OR56A3: variants seen among roughly 807,000 people sequenced by gnomAD.
The protein encoded by OR56A3 is olfactory receptor family 56 subfamily A member 3.
Under a neutral mutation model 17.5 loss-of-function variants are expected in OR56A3, and 23 were observed. The observed-to-expected ratio is 1.32, with a 90% CI of 0.95 to 1.87. OR56A3 has a LOEUF of 1.87. OR56A3 is among the 40% of genes most tolerant of loss of function. OR56A3 has a pLI of 0.00. For missense variants in OR56A3, 366 were observed against 380.1 expected (o/e 0.96, Z 0.31); for synonymous variants, 175 against 150.6 (o/e 1.16, Z -1.19).
chr11:5,982,685 C>A, the OR56A3 span, among the ~76,000 whole-genome samples: 1 of 152,180 alleles, frequency 6.6e-6, no homozygotes, highest in Non-Finnish European at 1.5e-5. Context: ...TGTTCCACTG[C>A]AGCCAGTCCC....
chr11:5,974,226 C>G, the OR56A3 span, among the ~76,000 whole-genome samples: 1 of 152,012 alleles, frequency 6.6e-6, no homozygotes, highest in South Asian at 2.1e-4. Context: ...CCTGCCTCAG[C>G]CTCCCGAGTA....
chr11:6,008,452 C>T, the OR56A3 span, among the ~76,000 whole-genome samples: 1 of 152,072 alleles, frequency 6.6e-6, no homozygotes, highest in African/African-American at 2.4e-5. Flanking sequence ...TTAAACTGTG[C>T]AAAATATTCT....
the OR56A3 span, among the ~76,000 whole-genome samples, chr11:6,016,227 T>A: frequency 6.6e-6 from 1 of 152,212 alleles, no homozygotes; most frequent in African/African-American, 2.4e-5. Flanking sequence ...TGGCTGCTTC[T>A]GTTTTGCCTT....
At chr11:6,014,859 T>A in the OR56A3 span, among the ~76,000 whole-genome samples, 1 of 151,740 alleles carries the variant, frequency 6.6e-6, no homozygotes, top group Non-Finnish European at 1.5e-5. Flanking sequence ...GCAAAGAGCT[T>A]TGTTGGATTG....
At chr11:6,012,625 T>G in the OR56A3 span, among the ~76,000 whole-genome samples, 1 of 152,184 alleles carries the variant, frequency 6.6e-6, no homozygotes, top group Non-Finnish European at 1.5e-5. Flanking sequence ...CCAGGGGCTT[T>G]TATGGGCCTT....
the OR56A3 span, among the ~76,000 whole-genome samples, chr11:6,014,060 AC>A: frequency 6.6e-6 from 1 of 152,248 alleles, no homozygotes; most frequent in East Asian, 1.9e-4. Flanking sequence ...ACTTGCTAAC[AC>A]CAGAGTCCAC....
rs780015932 is a variant in OR56A3 at position 5,947,905 on chromosome 11, T to G, written c.559T>G (p.Ser187Ala). The change falls in exon 3 of 3, where the codon TCT becomes GCT. Residue 187 changes from serine (S) to alanine (A), a missense_variant. Transcript: ENST00000641160. ...TGAGAACTGCATCTGTGCCAATATG[T>G]CTGTTTCCAGACTCTCCTGCGATGA... ...VIENCICANMSVSRLSCDDVT... is the reference protein window; with the variant it reads ...VIENCICANMAVSRLSCDDVT... 6.2e-7 allele frequency: 1 copy of G among 1,614,220 alleles called. No individual in the cohort carries two copies. Among genetic ancestry groups the G allele is most frequent in the East Asian group, 2.2e-5 (1 of 44,880 alleles).
At chr11:5,968,056 C>G in the OR56A3 span, 9 of 1,608,750 alleles carry the variant, frequency 5.6e-6, no homozygotes, top group African/African-American at 2.7e-5. Flanking sequence ...AAGATGGCAG[C>G]CCTAGCGACA....
chr11:5,962,155 T>C, the OR56A3 span, among the ~76,000 whole-genome samples: 1 of 152,262 alleles, frequency 6.6e-6, no homozygotes. Flanking sequence ...TCGATGATTT[T>C]TGTTTTTCAT....
chr11:5,985,600 G>T, the OR56A3 span, among the ~76,000 whole-genome samples: 3 of 152,166 alleles, frequency 2.0e-5, no homozygotes, highest in South Asian at 6.2e-4. Context: ...TACAATTCCA[G>T]ACAGTGTTGC....
At chr11:6,014,153 A>G in the OR56A3 span, among the ~76,000 whole-genome samples, 1 of 152,200 alleles carries the variant, frequency 6.6e-6, no homozygotes, top group South Asian at 2.1e-4. Context: ...CACATCTGAC[A>G]TCATTGTCCC....
chr11:5,973,469 G>T, the OR56A3 span, among the ~76,000 whole-genome samples: 1 of 152,150 alleles, frequency 6.6e-6, no homozygotes, highest in African/African-American at 2.4e-5. Flanking sequence ...ATTAATTCAA[G>T]ATCATACATA....
downstream of OR56A3, among the ~76,000 whole-genome samples, chr11:5,952,355 C>T (rs1847912537): frequency 1.3e-5 from 2 of 152,252 alleles, no homozygotes; most frequent in South Asian, 2.1e-4. Context: ...AAGCTGAAAA[C>T]ATACAGAAGA....
chr11:5,953,002 G>A (rs1446576703), downstream of OR56A3, among the ~76,000 whole-genome samples: 1 of 152,220 alleles, frequency 6.6e-6, no homozygotes, highest in Non-Finnish European at 1.5e-5. Flanking sequence ...TTCTATGGCT[G>A]CATAGTATTC....
chr11:5,984,177 G>A, the OR56A3 span, among the ~76,000 whole-genome samples: 1 of 152,152 alleles, frequency 6.6e-6, no homozygotes, highest in Non-Finnish European at 1.5e-5. Context: ...TGACTTACCA[G>A]AGAACCCTGC....
chr11:6,007,262 T>C, the OR56A3 span, among the ~76,000 whole-genome samples: 1 of 152,234 alleles, frequency 6.6e-6, no homozygotes, highest in Non-Finnish European at 1.5e-5. Flanking sequence ...AAAGTCAAAT[T>C]CACAGAAGCA....
the OR56A3 span, among the ~76,000 whole-genome samples, chr11:6,010,070 T>A: frequency 1.5e-4 from 20 of 129,130 alleles, no homozygotes; most frequent in East Asian, 7.8e-4. Flanking sequence ...GGTGTTTTTT[T>A]AAAAAAAATA....
the OR56A3 span, chr11:5,994,881 A>C: frequency 9.2e-6 from 7 of 758,076 alleles, no homozygotes; most frequent in Non-Finnish European, 1.7e-5. Flanking sequence ...CTGTCCGGGT[A>C]GGAGGCCAGG....
the OR56A3 span, among the ~76,000 whole-genome samples, chr11:6,013,755 C>T: frequency 6.6e-6 from 1 of 152,112 alleles, no homozygotes; most frequent in Non-Finnish European, 1.5e-5. Context: ...TAGCTTGTGC[C>T]CATGTGCACC....
Sources: gnomAD v4.1 joint callset for allele counts (sites outside exome capture counted in the v4.1 genomes callset) on GRCh38, gnomAD v4.1.1 for gene constraint, MANE v1.5 for transcripts, NCBI Gene and HGNC (gene_info 2026-07-23, HGNC 2026-07-21) for gene names.